KSR2: variants seen among roughly 807,000 people sequenced by gnomAD.
KSR2 encodes the protein kinase suppressor of ras 2.
A neutral mutation model predicts 107.8 loss-of-function variants in KSR2; 25 were observed. The observed-to-expected ratio is 0.23, with a 90% CI of 0.17 to 0.32. KSR2 has a LOEUF of 0.32. Among genes scored for constraint, KSR2 ranks in the 10% least tolerant of loss-of-function variants. The pLI is 1.00. For synonymous variants in KSR2, 480 were observed against 507.0 expected, an observed-to-expected ratio of 0.95 and a Z score of 0.71; for missense variants, 887 against 1,268.9, an observed-to-expected ratio of 0.70 and a Z score of 4.57.
chr12:117,811,231 T>A (rs1390082153), intron 3 of KSR2, among the ~76,000 whole-genome samples: 2 of 152,170 alleles, frequency 1.3e-5, no homozygotes, highest in Non-Finnish European at 2.9e-5. Context: ...CAGCCTCCTC[T>A]GCCCCGTAGA....
intron 1 of KSR2, among the ~76,000 whole-genome samples, chr12:117,904,090 G>T (rs1260315681): frequency 6.6e-6 from 1 of 152,068 alleles, no homozygotes; most frequent in African/African-American, 2.4e-5. Context: ...GAAATCAAAA[G>T]TTTAAAAAAT....
At chr12:117,602,248 T>C (rs375715082) in intron 5 of KSR2, among the ~76,000 whole-genome samples, 15 of 152,356 alleles carry the variant, frequency 9.8e-5, no homozygotes, top group Admixed American at 3.9e-4. Context: ...TCACATAAAA[T>C]AAAATTAACC....
chr12:117,569,928 C>T (rs565683470), intron 7 of KSR2, among the ~76,000 whole-genome samples: 7 of 152,168 alleles, frequency 4.6e-5, no homozygotes, highest in Non-Finnish European at 1.0e-4. Context: ...ACACCATAGC[C>T]CCATGGCGTA....
chr12:117,572,656 T>C (rs1029042836), intron 7 of KSR2, among the ~76,000 whole-genome samples: 1 of 146,812 alleles, frequency 6.8e-6, no homozygotes, highest in Admixed American at 6.9e-5. Flanking sequence ...TATCCACTGG[T>C]GGTTTTGGAA....
Position 117,968,305 on chromosome 12 carries a change from AGAG to A in KSR2, c.-53_-51del. 15 of 1,110,160 alleles carry A rather than the reference AGAG, an allele frequency of 1.4e-5. No individual in the cohort carries two copies. Among genetic ancestry groups the A allele is most frequent in the Middle Eastern group, 3.6e-4 (1 of 2,806 alleles). The allele number at this position is 1,110,160 out of a possible 1,614,324, so 68.8% of individuals were successfully genotyped here. On this transcript the variant is annotated 5_prime_UTR_variant, in exon 1 of 20. Transcript: ENST00000339824. ...CTCCTCCTCCTCCCAGAGAGAAAAA[AGAG>A]GGGGGGGAGTAGAGGTAGTCTACCC...
chr12:117,735,163 G>A (rs957913243), intron 4 of KSR2, among the ~76,000 whole-genome samples: 5 of 152,198 alleles, frequency 3.3e-5, no homozygotes, highest in Non-Finnish European at 5.9e-5. Flanking sequence ...CAGTGGAGAC[G>A]TTGGCCCTGC....
chr12:117,593,528 C>T (rs1195330573), intron 5 of KSR2, among the ~76,000 whole-genome samples: 1 of 152,254 alleles, frequency 6.6e-6, no homozygotes, highest in Admixed American at 6.5e-5. Context: ...CACAAACCCC[C>T]TCTTTTGCCC....
intron 3 of KSR2, among the ~76,000 whole-genome samples, chr12:117,828,345 T>C (rs1891832452): frequency 6.6e-6 from 1 of 152,220 alleles, no homozygotes; most frequent in Non-Finnish European, 1.5e-5. Context: ...TGGTGTTATG[T>C]AATATCCAGA....
At position 117,454,284 on chromosome 12, in the gene KSR2, T is replaced by C. The variant is rs1425852289; in HGVS notation, c.*12915A>G. 6.7e-6 allele frequency: 1 copy of C among 149,924 alleles called. No individual in the cohort carries two copies. The highest frequency in any genetic ancestry group is 2.5e-5 in the African/African-American group (1 of 39,278). 9.3% of individuals were successfully genotyped at this position (149,924 alleles called of 1,614,324 possible). A position where few individuals can be genotyped will look rare whatever the true frequency, so the allele number is the denominator to read the frequency against. ...AAAGCTAAGAAAATTCAAGGAATAC[T>C]CTGGAGGGGCTGCTGATGCTGAGAA... On this transcript the variant is annotated 3_prime_UTR_variant, in exon 20 of 20. Coordinates refer to ENST00000339824, the MANE Select transcript of KSR2 (RefSeq NM_173598.6).
chr12:117,966,619 G>GCA lies in KSR2; in HGVS notation c.180+1455_180+1456dup, dbSNP rs1488587930. Among the ~76,000 whole-genome samples the GCA allele has an allele frequency of 9.2e-5, 12 of 130,104 alleles. No homozygotes were observed. In the East Asian group the frequency reaches 1.8e-3, roughly 19 times the overall value. The allele number at this position is 130,104 out of a possible 152,430, so 85.4% of individuals were successfully genotyped here. A position where few individuals can be genotyped will look rare whatever the true frequency, so the allele number is the denominator to read the frequency against. ...TTCTCTCTCTCTCTCTCTCACACGC[G>GCA]CACGCACACACACACACACACACAC... is the stretch of plus-strand genomic sequence containing the variant. On this transcript the variant is annotated intron_variant, in intron 1 of 19. Transcript: ENST00000339824.
At chr12:117,613,845 C>T (rs559086801) in intron 5 of KSR2, among the ~76,000 whole-genome samples, 9 of 152,232 alleles carry the variant, frequency 5.9e-5, no homozygotes, top group African/African-American at 1.2e-4. Context: ...TCATCTTGCA[C>T]GGTTTTCCCT....
At chr12:117,510,809 T>A (rs192483894) in intron 14 of KSR2, among the ~76,000 whole-genome samples, 59 of 140,328 alleles carry the variant, frequency 4.2e-4, no homozygotes, top group African/African-American at 1.5e-3. Context: ...ACCTGGCAGG[T>A]GGAGGTTGCA....
intron 5 of KSR2, among the ~76,000 whole-genome samples, chr12:117,656,985 T>TATATATATATATATATATAATAGG: frequency 5.5e-5 from 1 of 18,196 alleles, no homozygotes; most frequent in African/African-American, 1.2e-4. Context: ...TAATAGGATA[T>TATATATATATATATATATAATAGG]ATATATATAT....
At chr12:117,765,182 T>A (rs1889182797) in intron 3 of KSR2, among the ~76,000 whole-genome samples, 1 of 152,242 alleles carries the variant, frequency 6.6e-6, no homozygotes, top group African/African-American at 2.4e-5. Flanking sequence ...TCTGGATTGA[T>A]GTATTTGCTG....
intron 1 of KSR2, among the ~76,000 whole-genome samples, chr12:117,904,830 C>T (rs1203927129): frequency 1.3e-5 from 2 of 152,176 alleles, no homozygotes; most frequent in Non-Finnish European, 2.9e-5. Context: ...CACCGTCCTT[C>T]TGACCTTTGC....
chr12:117,656,941 G>GATATATATATATATATAT (rs71099068), intron 5 of KSR2, among the ~76,000 whole-genome samples: 5 of 102,468 alleles, frequency 4.9e-5, no homozygotes, highest in Non-Finnish European at 8.9e-5. Context: ...TATATAATAG[G>GATATATATATATATATAT]ATATATATAT....
At chr12:117,524,251 G>A (rs113973440) in intron 14 of KSR2, among the ~76,000 whole-genome samples, 84 of 152,330 alleles carry the variant, frequency 5.5e-4, no homozygotes, top group African/African-American at 2.0e-3. Flanking sequence ...CACATATGGA[G>A]AAAGTGACTC....
intron 3 of KSR2, among the ~76,000 whole-genome samples, chr12:117,836,262 G>A (rs1032595329): frequency 1.3e-5 from 2 of 152,136 alleles, no homozygotes; most frequent in Non-Finnish European, 2.9e-5. Context: ...CCATCATGGA[G>A]TGGACTTCAA....
intron 3 of KSR2, among the ~76,000 whole-genome samples, chr12:117,779,070 T>G (rs114026198): frequency 0.019 from 2,941 of 152,252 alleles, 105 homozygotes; most frequent in African/African-American, 0.068. Context: ...CCAATTTCCC[T>G]CTGCAAAGAC....
Sources: gnomAD v4.1 joint callset for allele counts (sites outside exome capture counted in the v4.1 genomes callset) on GRCh38, gnomAD v4.1.1 for gene constraint, MANE v1.5 for transcripts, NCBI Gene and HGNC (gene_info 2026-07-23, HGNC 2026-07-21) for gene names.